Variants in FBXO34 observed in about 807,000 individuals in gnomAD.
FBXO34 encodes the protein F-box only protein 34.
A neutral mutation model predicts 24.5 loss-of-function variants in FBXO34; 12 were observed. The observed-to-expected ratio is 0.49, with a 90% confidence interval of 0.31 to 0.79. The LOEUF is 0.79. FBXO34 is among the 30% of genes least tolerant of loss of function. FBXO34 has a pLI of 0.04. For missense variants in FBXO34, 823 were observed against 857.7 expected (o/e 0.96, Z 0.51); for synonymous variants, 320 against 311.9 (o/e 1.03, Z -0.27).
At chr14:55,359,669 C>T (rs1884567578) in intron 3 of FBXO34, among the ~76,000 whole-genome samples, 12 of 152,154 alleles carry the variant, frequency 7.9e-5, no homozygotes, top group Admixed American at 7.9e-4. Flanking sequence ...TTAACTCTTC[C>T]TTTCACGAAA....
At chr14:55,273,760 A>G (rs978545315) in intron 1 of FBXO34, among the ~76,000 whole-genome samples, 3 of 152,078 alleles carry the variant, frequency 2.0e-5, no homozygotes, top group Non-Finnish European at 4.4e-5. Flanking sequence ...AGCGGTAGCG[A>G]TTCTGGGGCC....
rs1167083082 is a variant in FBXO34 at position 55,331,671 on chromosome 14, GTATATATATA to G, written c.-10-18706_-10-18697del. 2.0e-3 allele frequency among the ~76,000 whole-genome samples: 89 copies of G among 45,526 alleles called. 3 individuals carry two copies. Among genetic ancestry groups the G allele is most frequent in the African/African-American group, 9.4e-3 (73 of 7,770 alleles). The allele number at this position is 45,526 out of a possible 152,430, so 29.9% of individuals were successfully genotyped here. On this transcript the variant is annotated intron_variant, in intron 1 of 1. Coordinates refer to ENST00000313833, the MANE Select transcript of FBXO34 (RefSeq NM_017943.4). Reference sequence around the variant, plus strand: ...ATATATATATACCAACATGGTGTGTGTATATATATATATGTGTATATATATATATATATGT... The same window carrying G: ...ATATATATATACCAACATGGTGTGTGTATGTGTATATATATATATATATGT...
intron 1 of FBXO34, among the ~76,000 whole-genome samples, chr14:55,317,176 A>C: frequency 6.6e-6 from 1 of 152,184 alleles, no homozygotes; most frequent in East Asian, 1.9e-4. Flanking sequence ...GGCTCGGGTC[A>C]GTGGTGTGTT....
At chr14:55,326,280 A>G (rs915366852) in intron 1 of FBXO34, among the ~76,000 whole-genome samples, 7 of 152,154 alleles carry the variant, frequency 4.6e-5, no homozygotes, top group African/African-American at 1.4e-4. Flanking sequence ...CCCCATTCAC[A>G]TTAAAGACAA....
At chr14:55,415,525 C>T in the FBXO34 span, among the ~76,000 whole-genome samples, 1 of 152,094 alleles carries the variant, frequency 6.6e-6, no homozygotes, top group Non-Finnish European at 1.5e-5. Context: ...TTCACACTTG[C>T]CAAAAGGTGG....
downstream of FBXO34, chr14:55,366,288 T>G (rs1248714850): frequency 1.3e-5 from 2 of 152,592 alleles, no homozygotes; most frequent in East Asian, 3.8e-4. Context: ...ACAAACTTCT[T>G]CTATAATTTG....
chr14:55,402,009 G>A, the FBXO34 span, among the ~76,000 whole-genome samples: 1 of 152,172 alleles, frequency 6.6e-6, no homozygotes, highest in African/African-American at 2.4e-5. Flanking sequence ...CTGTTCCCCG[G>A]CTACAATCAT....
Position 55,351,614 on chromosome 14 carries a change from A to G in FBXO34, c.1224A>G (p.Thr408=). 1 of 1,614,256 alleles carries G rather than the reference A, an allele frequency of 6.2e-7. No individual in the cohort carries two copies. The highest frequency in any genetic ancestry group is 1.1e-5 in the South Asian group (1 of 91,090). The change falls in exon 2 of 2, where the codon ACA becomes ACG. Residue 408 remains threonine, a synonymous_variant. Coordinates refer to ENST00000313833, the MANE Select transcript of FBXO34 (RefSeq NM_017943.4). ...GCAACAGATATGATGTGGAAATGAC[A>G]GATGAACTCGTTGGGTTACCTTTTT... ...KNSNRYDVEM[T]DELVGLPFSS...
intron 1 of FBXO34, among the ~76,000 whole-genome samples, chr14:55,329,942 C>G (rs924849735): frequency 4.0e-5 from 6 of 151,430 alleles, no homozygotes; most frequent in African/African-American, 1.2e-4. Flanking sequence ...TTTTTTGTTT[C>G]TCTACTACTG....
At chr14:55,397,233 C>A in the FBXO34 span, 1 of 783,296 alleles carries the variant, frequency 1.3e-6, no homozygotes. Context: ...CCCACATGCA[C>A]TCCTTTCCTA....
chr14:55,380,688 T>C, the FBXO34 span: 8 of 1,592,520 alleles, frequency 5.0e-6, no homozygotes, highest in Admixed American at 7.1e-5. Flanking sequence ...CTCTGCTCCA[T>C]GTCTGCAGTA....
chr14:55,369,748 A>G (rs1444962437), downstream of FBXO34: 1 of 1,614,146 alleles, frequency 6.2e-7, no homozygotes, highest in South Asian at 1.1e-5. Flanking sequence ...AGACTTCCAC[A>G]GACTGGGAAG....
At chr14:55,357,923 T>C (rs560781057), downstream of FBXO34, among the ~76,000 whole-genome samples, 1 of 152,388 alleles carries the variant, frequency 6.6e-6, no homozygotes, top group Non-Finnish European at 1.5e-5. Flanking sequence ...TATTTAATTG[T>C]ATCTGTTCCC....
the FBXO34 span, chr14:55,436,670 G>A: frequency 6.2e-7 from 1 of 1,614,184 alleles, no homozygotes; most frequent in African/African-American, 1.3e-5. Context: ...GGAGAGGGCT[G>A]GACTGAGTCA....
At chr14:55,329,698 C>T (rs1462439545) in intron 1 of FBXO34, among the ~76,000 whole-genome samples, 1 of 151,728 alleles carries the variant, frequency 6.6e-6, no homozygotes, top group Non-Finnish European at 1.5e-5. Flanking sequence ...GCTTGAAGTC[C>T]TTTTTTTTAA....
At chr14:55,381,401 G>GTGTATA in the FBXO34 span, among the ~76,000 whole-genome samples, 2 of 152,118 alleles carry the variant, frequency 1.3e-5, no homozygotes, top group African/African-American at 4.8e-5. Context: ...CTATAAATAT[G>GTGTATA]GGTCTAAACG....
intron 1 of FBXO34, among the ~76,000 whole-genome samples, chr14:55,278,043 G>T (rs1337990579): frequency 6.6e-6 from 1 of 152,054 alleles, no homozygotes; most frequent in Non-Finnish European, 1.5e-5. Flanking sequence ...GCAGCACCGA[G>T]AACCATGTCG....
At chr14:55,306,600 G>A (rs1030504168) in intron 1 of FBXO34, among the ~76,000 whole-genome samples, 4 of 152,178 alleles carry the variant, frequency 2.6e-5, no homozygotes, top group African/African-American at 9.6e-5. Flanking sequence ...TTAGGAGGCC[G>A]AGGGGGCAGA....
chr14:55,426,173 A>G, the FBXO34 span, among the ~76,000 whole-genome samples: 1 of 152,016 alleles, frequency 6.6e-6, no homozygotes, highest in Non-Finnish European at 1.5e-5. Context: ...AGGCTGAGGC[A>G]GGAGAATCAC....
Sources: gnomAD v4.1 joint callset for allele counts (sites outside exome capture counted in the v4.1 genomes callset) on GRCh38, gnomAD v4.1.1 for gene constraint, MANE v1.5 for transcripts, NCBI Gene and HGNC (gene_info 2026-07-23, HGNC 2026-07-21) for gene names.